MTOR: variants seen among roughly 807,000 people sequenced by gnomAD.
MTOR encodes the protein serine/threonine-protein kinase mTOR.
In MTOR, 70 loss-of-function variants were observed where a neutral mutation model predicts 319.8. That is an observed-to-expected ratio of 0.22 (90% confidence interval 0.18 to 0.27). The LOEUF (loss-of-function observed/expected upper bound fraction) is 0.27. Among genes scored for constraint, MTOR ranks in the 10% least tolerant of loss-of-function variants. The pLI is 1.00. For synonymous variants in MTOR, 1,183 were observed against 1,211.4 expected, an observed-to-expected ratio of 0.98 and a Z score of 0.49; for missense variants, 1,890 against 3,274.4, an observed-to-expected ratio of 0.58 and a Z score of 10.32.
chr1:11,164,649 C>T (rs1460810352), intron 29 of MTOR, among the ~76,000 whole-genome samples: 4 of 152,152 alleles, frequency 2.6e-5, no homozygotes, highest in East Asian at 1.9e-4. Context: ...GGTTCACAGC[C>T]GAATTCTACC....
At chr1:11,187,181 T>G (rs896775008) in intron 28 of MTOR, among the ~76,000 whole-genome samples, 2 of 152,172 alleles carry the variant, frequency 1.3e-5, no homozygotes, top group Admixed American at 6.5e-5. Flanking sequence ...AGTTCCACTG[T>G]TCTTTTGTGC....
intron 6 of MTOR, among the ~76,000 whole-genome samples, chr1:11,251,062 G>A (rs1319663005): frequency 7.2e-5 from 11 of 152,064 alleles, no homozygotes; most frequent in Non-Finnish European, 1.5e-4. Flanking sequence ...CAACACAATG[G>A]CAAGAGTGAT....
At chr1:11,244,556 G>A (rs565999641) in intron 8 of MTOR, among the ~76,000 whole-genome samples, 2 of 152,032 alleles carry the variant, frequency 1.3e-5, no homozygotes, top group Admixed American at 6.5e-5. Flanking sequence ...ACTTGAACCC[G>A]GGAGGCAGAG....
chr1:11,209,635 A>T (rs1172927332), intron 24 of MTOR, among the ~76,000 whole-genome samples, 177 bp from the exon 25 acceptor site: 1 of 152,210 alleles, frequency 6.6e-6, no homozygotes, highest in Non-Finnish European at 1.5e-5. Context: ...AACTGTAGAC[A>T]GTCTTTGCTA....
intron 39 of MTOR, among the ~76,000 whole-genome samples, chr1:11,130,131 G>T (rs1265163919): frequency 6.6e-6 from 1 of 152,196 alleles, no homozygotes; most frequent in East Asian, 1.9e-4. Flanking sequence ...AGCGGCCCTG[G>T]CGCATTCTGA....
At chr1:11,138,205 C>T (rs1643521440) in intron 36 of MTOR, among the ~76,000 whole-genome samples, 1 of 152,222 alleles carries the variant, frequency 6.6e-6, no homozygotes. Flanking sequence ...CCAGACTATA[C>T]TCAGATCCAG....
At chr1:11,242,525 A>AG (rs1648203933) in intron 9 of MTOR, among the ~76,000 whole-genome samples, 1 of 150,610 alleles carries the variant, frequency 6.6e-6, no homozygotes, top group African/African-American at 2.5e-5. Flanking sequence ...AAAAAAAAAA[A>AG]GAATGAGTGG....
chr1:11,167,119 T>C (rs552091021), intron 29 of MTOR, among the ~76,000 whole-genome samples: 1 of 151,970 alleles, frequency 6.6e-6, no homozygotes, highest in African/African-American at 2.4e-5. Context: ...CGGGGAGGGA[T>C]AGCATTAGGA....
At position 11,232,524 on chromosome 1, in the gene MTOR, C is replaced by G. The variant is rs2100873879; in HGVS notation, c.2426G>C (p.Ser809Thr). The G allele has an allele frequency of 6.2e-7, 1 of 1,612,578 alleles. No homozygotes were observed. Among genetic ancestry groups the G allele is most frequent in the Non-Finnish European group, 8.5e-7 (1 of 1,178,738 alleles). ...AACCCATTTCCTCATTTCCAGGCCA[C>G]TAACCTGCAAAATGAAAAAGAGGGT... ...LATIGELAQV[S>T]GLEMRKWVDE... Residue 809 changes from serine (S) to threonine (T), a missense_variant, in exon 16 of 58, where the codon AGT becomes ACT. Coordinates refer to ENST00000361445, the MANE Select transcript of MTOR (RefSeq NM_004958.4).
chr1:11,108,254 C>T lies in MTOR; in HGVS notation c.7561G>A (p.Val2521Ile), dbSNP rs529777655. The change falls in exon 57 of 58, where the codon GTT (valine) becomes ATT (isoleucine). Residue 2521 changes from valine (V) to isoleucine (I), a missense_variant. Val to Ile is a conservative substitution (Grantham distance 29). Coordinates refer to ENST00000361445, the MANE Select transcript of MTOR (RefSeq NM_004958.4). ...ATGAGCAGCTCAACTTGCGTTGGAA[C>T]ATCCAAAGTGTCATCATGAGAGAAG... is the stretch of plus-strand genomic sequence containing the variant. ...RDFSHDDTLD[V>I]PTQVELLIKQ... 2.5e-5 allele frequency: 41 copies of T among 1,613,934 alleles called. No individual in the cohort carries two copies. Among genetic ancestry groups the T allele is most frequent in the Non-Finnish European group, 3.5e-5 (41 of 1,179,848 alleles).
At chr1:11,230,884 G>A (rs1400447907) in intron 18 of MTOR, 41 bp downstream of exon 18, 15 of 1,612,100 alleles carry the variant, frequency 9.3e-6, no homozygotes, top group African/African-American at 1.3e-5. Context: ...GGCTCTGTGA[G>A]TGAGAACTTG....
intron 39 of MTOR, 102 bp downstream of exon 39, chr1:11,130,427 T>C (rs1643079363): frequency 6.5e-7 from 1 of 1,528,542 alleles, no homozygotes; most frequent in Non-Finnish European, 8.8e-7. Context: ...CATCTGGCAC[T>C]TCAGATACAG....
intron 6 of MTOR, among the ~76,000 whole-genome samples, chr1:11,249,504 A>C (rs1569807526): frequency 6.8e-6 from 1 of 147,896 alleles, no homozygotes; most frequent in Non-Finnish European, 1.5e-5. Flanking sequence ...TAGTGGAGGG[A>C]AGGTCAGCAG....
chr1:11,111,926 G>A (rs1350183790), intron 54 of MTOR, among the ~76,000 whole-genome samples: 1 of 150,716 alleles, frequency 6.6e-6, no homozygotes, highest in Non-Finnish European at 1.5e-5. Context: ...GGGGAAGAGG[G>A]GAGGGCTAAA....
At chr1:11,169,244 T>C (rs993081701) in intron 28 of MTOR, among the ~76,000 whole-genome samples, 1 of 152,234 alleles carries the variant, frequency 6.6e-6, no homozygotes, top group African/African-American at 2.4e-5. Flanking sequence ...ATGCCTCATG[T>C]TTACAAAGCG....
chr1:11,178,793 A>G (rs979523637), intron 28 of MTOR, among the ~76,000 whole-genome samples: 1 of 152,172 alleles, frequency 6.6e-6, no homozygotes, highest in African/African-American at 2.4e-5. Flanking sequence ...CTGAGGTGAT[A>G]TTTTGGGTAA....
At chr1:11,260,502 A>G (rs1026828121) in intron 1 of MTOR, among the ~76,000 whole-genome samples, 1 of 151,794 alleles carries the variant, frequency 6.6e-6, no homozygotes, top group Non-Finnish European at 1.5e-5. Context: ...AGATTGGGCC[A>G]TTGCACTACA....
At chr1:11,164,353 AAG>A (rs1283223876) in intron 29 of MTOR, among the ~76,000 whole-genome samples, 13 of 145,682 alleles carry the variant, frequency 8.9e-5, no homozygotes, top group Non-Finnish European at 1.6e-4. Context: ...AAAAAAAAAA[AAG>A]AGAGAGAGAG....
chr1:11,246,726 T>C (rs978087061), intron 8 of MTOR, among the ~76,000 whole-genome samples: 1 of 152,164 alleles, frequency 6.6e-6, no homozygotes, highest in African/African-American at 2.4e-5. Flanking sequence ...GCACAGGCAA[T>C]GAGCACCACG....
Sources: gnomAD v4.1 joint callset for allele counts (sites outside exome capture counted in the v4.1 genomes callset) on GRCh38, gnomAD v4.1.1 for gene constraint, MANE v1.5 for transcripts, NCBI Gene and HGNC (gene_info 2026-07-23, HGNC 2026-07-21) for gene names.